The following DNAH8 variants were observed in gnomAD, a reference collection of about 807,000 sequenced individuals.
The protein encoded by DNAH8 is dynein axonemal heavy chain 8.
DNAH8 carries 382 observed loss-of-function variants against 562.1 expected under a neutral mutation model. The observed-to-expected ratio is 0.68, with a 90% CI of 0.63 to 0.74. The LOEUF (loss-of-function observed/expected upper bound fraction) is 0.74, where lower values mean the gene tolerates loss of function less well. DNAH8 is among the 30% of genes least tolerant of loss of function. The pLI is 0.00. For synonymous variants in DNAH8, 1,881 were observed against 1,919.4 expected, an observed-to-expected ratio of 0.98 and a Z score of 0.52; for missense variants, 5,203 against 5,620.4, an observed-to-expected ratio of 0.93 and a Z score of 2.37.
Position 38,911,594 on chromosome 6 carries a change from G to C in DNAH8, c.9859+8G>C, listed in dbSNP as rs1260788498. On this transcript the variant is annotated splice_region_variant and intron_variant, in intron 66 of 92. Transcript: ENST00000327475. ...CTGAACGTATGAATATTGGTAAGAG[G>C]AATGGAATGGAATGGGATGGAATAG... 6.7e-7 allele frequency: 1 copy of C among 1,485,162 alleles called. No individual in the cohort carries two copies. The highest frequency in any genetic ancestry group is 9.4e-7 in the Non-Finnish European group (1 of 1,065,092). The allele number at this position is 1,485,162 out of a possible 1,614,324, so 92.0% of individuals were successfully genotyped here.
intron 4 of DNAH8, among the ~76,000 whole-genome samples, chr6:38,731,191 G>C (rs1763636542): frequency 6.6e-6 from 1 of 152,012 alleles, no homozygotes; most frequent in Admixed American, 6.6e-5. Flanking sequence ...TTTATAACTT[G>C]TTAAAAATTA....
intron 11 of DNAH8, among the ~76,000 whole-genome samples, chr6:38,765,889 A>G (rs1766934207): frequency 6.6e-6 from 1 of 152,192 alleles, no homozygotes; most frequent in Non-Finnish European, 1.5e-5. Flanking sequence ...TGTAGCCATT[A>G]TGAAACATAG....
At chr6:38,874,196 TTCTC>T (rs1483887377) in intron 52 of DNAH8, among the ~76,000 whole-genome samples, 1 of 86,894 alleles carries the variant, frequency 1.2e-5, no homozygotes, top group African/African-American at 4.1e-5. Context: ...CTCTCTTTCT[TTCTC>T]TCTTTCTTTC....
At chr6:38,860,651 T>C in intron 43 of DNAH8, 22 bp downstream of exon 43, 1 of 1,476,706 alleles carries the variant, frequency 6.8e-7, no homozygotes, top group South Asian at 1.4e-5. Flanking sequence ...AGTTTTCGTT[T>C]TTTATTTTGT....
chr6:38,725,338 A>ATAATAATAATAATAAT (rs1763131877), intron 3 of DNAH8, among the ~76,000 whole-genome samples: 1 of 149,834 alleles, frequency 6.7e-6, no homozygotes, highest in Non-Finnish European at 1.5e-5. Context: ...AATAATAATA[A>ATAATAATAATAATAAT]AGAGCTACTC....
intron 3 of DNAH8, among the ~76,000 whole-genome samples, chr6:38,724,135 G>A (rs535187878): frequency 1.1e-4 from 16 of 151,788 alleles, no homozygotes; most frequent in Non-Finnish European, 1.0e-4. Flanking sequence ...GCACCACCAC[G>A]CCCAGCTAAA....
intron 88 of DNAH8, among the ~76,000 whole-genome samples, chr6:39,002,660 T>A (rs1474781412): frequency 1.3e-5 from 2 of 152,198 alleles, no homozygotes; most frequent in Non-Finnish European, 2.9e-5. Context: ...TGAATAGAGG[T>A]TGCTCACAGA....
chr6:38,715,941 TATATATATATA>T (rs1762271519), intron 1 of DNAH8, among the ~76,000 whole-genome samples: 4 of 16,998 alleles, frequency 2.4e-4, no homozygotes, highest in East Asian at 2.0e-3. Flanking sequence ...TATATATATA[TATATATATATA>T]TATATATATT....
intron 62 of DNAH8, among the ~76,000 whole-genome samples, chr6:38,903,288 C>T (rs1780200133): frequency 6.6e-6 from 1 of 152,052 alleles, no homozygotes. Context: ...TGGTGAGGGT[C>T]TCAGGAAGCT....
At chr6:38,833,268 A>G (rs923530261) in intron 31 of DNAH8, among the ~76,000 whole-genome samples, 8 of 152,020 alleles carry the variant, frequency 5.3e-5, no homozygotes, top group Non-Finnish European at 1.2e-4. Flanking sequence ...TGTGCTAAAC[A>G]TATCTGTTGA....
intron 5 of DNAH8, 119 bp from the exon 6 acceptor site, chr6:38,736,948 C>A: frequency 1.5e-6 from 1 of 662,034 alleles, no homozygotes; most frequent in East Asian, 3.3e-5. Flanking sequence ...TTAAGATTCC[C>A]TAATAGTTTA....
intron 10 of DNAH8, among the ~76,000 whole-genome samples, chr6:38,758,483 A>G (rs1766152489): frequency 6.6e-6 from 1 of 152,052 alleles, no homozygotes; most frequent in African/African-American, 2.4e-5. Flanking sequence ...AACAGGGACA[A>G]TTTGACTTCC....
In DNAH8 at chr6:38,851,682, C is replaced by G. The variant is rs12660202; in HGVS notation, c.5466+8C>G. 6.4e-7 allele frequency: 1 copy of G among 1,558,200 alleles called. No homozygotes were observed. On this transcript the variant is annotated splice_region_variant and intron_variant, in intron 39 of 92. Transcript: ENST00000327475. ...GATTCCCACACCATACAGGTATAAT[C>G]TAAGAATCTGTGATCTAACTTGCTT...
intron 62 of DNAH8, among the ~76,000 whole-genome samples, chr6:38,900,834 C>T (rs1297122882): frequency 6.6e-6 from 1 of 152,150 alleles, no homozygotes; most frequent in Non-Finnish European, 1.5e-5. Flanking sequence ...CCAGGCTTCT[C>T]TTGAACTCCT....
chr6:38,861,270 C>CTA (rs1278117054), intron 43 of DNAH8, among the ~76,000 whole-genome samples: 2 of 152,156 alleles, frequency 1.3e-5, no homozygotes, highest in Non-Finnish European at 2.9e-5. Context: ...TTTATTGAAC[C>CTA]TATCCCTTTT....
At chr6:38,733,766 C>A (rs951219982) in intron 4 of DNAH8, among the ~76,000 whole-genome samples, 8 of 151,590 alleles carry the variant, frequency 5.3e-5, no homozygotes, top group African/African-American at 1.5e-4. Context: ...CAAGAATTAG[C>A]CAGGCATGAT....
chr6:38,762,095 T>C (rs1408649021), intron 11 of DNAH8, among the ~76,000 whole-genome samples: 1 of 152,156 alleles, frequency 6.6e-6, no homozygotes, highest in Non-Finnish European at 1.5e-5. Context: ...AATTTTTGCC[T>C]TTTTTTGCAT....
intron 63 of DNAH8, among the ~76,000 whole-genome samples, chr6:38,907,290 C>T (rs1780551727): frequency 6.6e-6 from 1 of 152,310 alleles, no homozygotes; most frequent in Non-Finnish European, 1.5e-5. Flanking sequence ...GCACTGTTTC[C>T]ATTCAGGGAA....
At chr6:38,718,204 T>G (rs1450129012) in intron 1 of DNAH8, among the ~76,000 whole-genome samples, 1 of 152,178 alleles carries the variant, frequency 6.6e-6, no homozygotes, top group Non-Finnish European at 1.5e-5. Context: ...TGCTTGTTTT[T>G]GCTATTACAA....
Sources: allele counts gnomAD v4.1 joint callset (sites outside exome capture counted in the v4.1 genomes callset), GRCh38; gene constraint gnomAD v4.1.1; transcripts MANE v1.5; gene names NCBI Gene and HGNC (gene_info 2026-07-23, HGNC 2026-07-21).